The following PRKAG2 variants were observed in gnomAD, a reference collection of about 807,000 sequenced individuals.
PRKAG2 encodes protein kinase AMP-activated non-catalytic subunit gamma 2.
A neutral mutation model predicts 69.6 loss-of-function variants in PRKAG2; 26 were observed. That is an observed-to-expected ratio of 0.37 (90% CI 0.27 to 0.52). The LOEUF (loss-of-function observed/expected upper bound fraction) is 0.52, where lower values mean the gene tolerates loss of function less well. PRKAG2 is among the 20% of genes least tolerant of loss of function. PRKAG2 has a pLI of 0.90. For missense variants in PRKAG2, 557 were observed against 740.0 expected, an observed-to-expected ratio of 0.75 and a Z score of 2.87; for synonymous variants, 293 against 285.0, an observed-to-expected ratio of 1.03 and a Z score of -0.28.
intron 1 of PRKAG2, among the ~76,000 whole-genome samples, chr7:151,796,935 C>A (rs1563691561): frequency 6.6e-6 from 1 of 152,176 alleles, no homozygotes; most frequent in Non-Finnish European, 1.5e-5. Context: ...AAGGCCAGCT[C>A]TGGGGTTCTG....
Position 151,836,299 on chromosome 7 carries a change from T to C in PRKAG2, c.114+40208A>G, listed in dbSNP as rs1197014438. On this transcript the variant is annotated intron_variant, in intron 1 of 15. Coordinates refer to ENST00000287878, the MANE Select transcript of PRKAG2 (RefSeq NM_016203.4). This position sits in a 1 kb window ranked among gnomAD's most constrained non-coding sequence, Gnocchi z 4.1. Reference sequence around the variant, plus strand: ...CCCCCAGCACCAGCCCGAGACAGACTGTGGTCTGACTGCAGGCTGACACAC... The same window carrying C: ...CCCCCAGCACCAGCCCGAGACAGACCGTGGTCTGACTGCAGGCTGACACAC... 1.3e-5 allele frequency among the ~76,000 whole-genome samples: 2 copies of C among 152,150 alleles called. No individual in the cohort carries two copies. The highest frequency in any genetic ancestry group is 3.8e-4 in the East Asian group (2 of 5,198).
chr7:151,608,600 A>T (rs1315893729), intron 5 of PRKAG2, among the ~76,000 whole-genome samples: 1 of 152,206 alleles, frequency 6.6e-6, no homozygotes, highest in Non-Finnish European at 1.5e-5. Context: ...AGAAGCACAG[A>T]TCAAATTTGA....
intron 3 of PRKAG2, among the ~76,000 whole-genome samples, chr7:151,716,794 G>A (rs951453865): frequency 3.3e-5 from 5 of 152,186 alleles, no homozygotes; most frequent in African/African-American, 1.2e-4. Flanking sequence ...AAAGCACGTA[G>A]GCCTGAGCCA....
chr7:151,694,111 T>C (rs1836183524), intron 3 of PRKAG2, among the ~76,000 whole-genome samples: 1 of 152,114 alleles, frequency 6.6e-6, no homozygotes, highest in Non-Finnish European at 1.5e-5. Flanking sequence ...CGACCTCGAG[T>C]GATCTGCCCG....
intron 3 of PRKAG2, among the ~76,000 whole-genome samples, chr7:151,729,145 C>T (rs1413619444): frequency 8.1e-6 from 1 of 123,358 alleles, no homozygotes; most frequent in Non-Finnish European, 1.6e-5. Context: ...CTTTTCCAGG[C>T]ATGGATGAGA....
intron 1 of PRKAG2, among the ~76,000 whole-genome samples, chr7:151,873,780 C>G (rs1324664256): frequency 6.6e-6 from 1 of 152,184 alleles, no homozygotes; most frequent in African/African-American, 2.4e-5. Flanking sequence ...TTTTCTGGTT[C>G]TGGATTTTGT....
At chr7:151,573,810 C>T (rs1237573776) in intron 8 of PRKAG2, among the ~76,000 whole-genome samples, 1 of 151,968 alleles carries the variant, frequency 6.6e-6, no homozygotes, top group Admixed American at 6.6e-5. Flanking sequence ...ACAGAGTCTC[C>T]CTCTGTCGCC....
chr7:151,764,561 C>T (rs1482330895), intron 3 of PRKAG2, among the ~76,000 whole-genome samples: 2 of 152,218 alleles, frequency 1.3e-5, no homozygotes, highest in Admixed American at 6.5e-5. Flanking sequence ...CCAGGGAGAG[C>T]GGGGAAGTGC....
chr7:151,844,794 C>T (rs536149945), intron 1 of PRKAG2, among the ~76,000 whole-genome samples: 72 of 152,262 alleles, frequency 4.7e-4, no homozygotes, highest in African/African-American at 1.7e-3. Flanking sequence ...AAACAGTGCC[C>T]GGCACAAAGT....
At chr7:151,722,503 C>T (rs761996190) in intron 3 of PRKAG2, among the ~76,000 whole-genome samples, 1 of 152,172 alleles carries the variant, frequency 6.6e-6, no homozygotes, top group Non-Finnish European at 1.5e-5. Context: ...AGCTCCCTCC[C>T]CAGGGGTCTC....
rs147835342 is a variant in PRKAG2, at chr7:151,844,637, G to C, written c.114+31870C>G. Among the ~76,000 whole-genome samples, 35 of 152,320 alleles carry C rather than the reference G, an allele frequency of 2.3e-4. No individual in the cohort carries two copies. In the East Asian group the frequency reaches 6.6e-3, roughly 29 times the overall value. ...AACAGTGAGCACTATGCAAACACGA[G>C]TTATTATTTCTATCGTGAGTCATGG... On this transcript the variant is annotated intron_variant, in intron 1 of 15. Coordinates refer to ENST00000287878, the MANE Select transcript of PRKAG2 (RefSeq NM_016203.4).
chr7:151,685,853 T>A (rs1834644911), intron 3 of PRKAG2, among the ~76,000 whole-genome samples: 1 of 152,190 alleles, frequency 6.6e-6, no homozygotes, highest in Non-Finnish European at 1.5e-5. Context: ...CTCATTTTTT[T>A]AAAAGTAACT....
intron 3 of PRKAG2, among the ~76,000 whole-genome samples, chr7:151,769,462 G>A (rs1362396601): frequency 1.3e-5 from 2 of 152,244 alleles, no homozygotes; most frequent in African/African-American, 4.8e-5. Flanking sequence ...GAAGGCCACA[G>A]GATGATGAAG....
chr7:151,694,774 TC>T (rs1836311513), intron 3 of PRKAG2, among the ~76,000 whole-genome samples: 1 of 152,260 alleles, frequency 6.6e-6, no homozygotes, highest in South Asian at 2.1e-4. Flanking sequence ...GTCTGCAGCT[TC>T]CCTTTCCTGT....
At chr7:151,776,433 C>T (rs946467987) in intron 3 of PRKAG2, among the ~76,000 whole-genome samples, 2 of 152,114 alleles carry the variant, frequency 1.3e-5, no homozygotes, top group African/African-American at 4.8e-5. Context: ...CATTGAAGGG[C>T]CTTGGAAATA....
Position 151,714,690 on chromosome 7 carries a change from C to CTGTG in PRKAG2, c.467-39054_467-39053insCACA, listed in dbSNP as rs1353698627. Among the ~76,000 whole-genome samples, 37 of 152,296 alleles carry CTGTG rather than the reference C, an allele frequency of 2.4e-4. 1 individual carries two copies. Among genetic ancestry groups the CTGTG allele is most frequent in the South Asian group, 1.2e-3 (6 of 4,822 alleles). On this transcript the variant is annotated intron_variant, in intron 3 of 15. Coordinates refer to ENST00000287878, the MANE Select transcript of PRKAG2 (RefSeq NM_016203.4). ...GTGGGCCGGGCGCAGTAGCTCATGT[C>CTGTG]TGTAATCCCAGCACTTTGGGAGGCT...
At chr7:151,619,602 A>C (rs989465625) in intron 5 of PRKAG2, among the ~76,000 whole-genome samples, 1 of 152,228 alleles carries the variant, frequency 6.6e-6, no homozygotes, top group African/African-American at 2.4e-5. Flanking sequence ...AAAAAATTGT[A>C]TAAAATAACT....
chr7:151,562,109 G>A (rs1463359911), intron 14 of PRKAG2, among the ~76,000 whole-genome samples: 1 of 146,290 alleles, frequency 6.8e-6, no homozygotes, highest in East Asian at 2.0e-4. Context: ...GCTGGGCGTG[G>A]TGGTGCATTC....
chr7:151,797,372 C>T (rs1486117480), intron 1 of PRKAG2, among the ~76,000 whole-genome samples: 1 of 152,006 alleles, frequency 6.6e-6, no homozygotes, highest in African/African-American at 2.4e-5. Context: ...GTAAGGTCAC[C>T]GAGTTGCTGG....
Sources: gnomAD v4.1 joint callset for allele counts (sites outside exome capture counted in the v4.1 genomes callset) on GRCh38, gnomAD v4.1.1 for gene constraint, Gnocchi (gnomAD v3.1) non-coding constraint, MANE v1.5 for transcripts, NCBI Gene and HGNC (gene_info 2026-07-23, HGNC 2026-07-21) for gene names.